EPM2A: variants seen among roughly 807,000 people sequenced by gnomAD.
EPM2A encodes the protein laforin.
A neutral mutation model predicts 26.5 loss-of-function variants in EPM2A; 21 were observed. That is an observed-to-expected ratio of 0.79 (90% CI 0.56 to 1.14). The LOEUF (loss-of-function observed/expected upper bound fraction) is 1.14. Among genes scored for constraint, EPM2A ranks in the 50% most tolerant of loss-of-function variants. EPM2A has a pLI of 0.00. For missense variants in EPM2A, 458 were observed against 440.8 expected (o/e 1.04, Z -0.35); for synonymous variants, 217 against 177.6 (o/e 1.22, Z -1.76).
intron 2 of EPM2A, among the ~76,000 whole-genome samples, chr6:145,661,545 C>T (rs980293822): frequency 6.6e-6 from 1 of 152,218 alleles, no homozygotes; most frequent in Non-Finnish European, 1.5e-5. Flanking sequence ...AAAGCTTTCA[C>T]AGTACTTAAT....
chr6:145,508,197 G>A (rs1351108751), intron 2 of EPM2A, among the ~76,000 whole-genome samples: 1 of 152,214 alleles, frequency 6.6e-6, no homozygotes, highest in East Asian at 1.9e-4. Flanking sequence ...TCTTCCAGGT[G>A]GGGCCTGGGG....
chr6:145,394,794 T>G (rs767575986), intron 4 of EPM2A, among the ~76,000 whole-genome samples: 2 of 152,162 alleles, frequency 1.3e-5, no homozygotes, highest in African/African-American at 2.4e-5. Context: ...TTCTTTGCCT[T>G]CATGTGAAAG....
intron 2 of EPM2A, among the ~76,000 whole-genome samples, chr6:145,644,511 TG>T (rs955079007): frequency 1.6e-4 from 25 of 152,128 alleles, no homozygotes; most frequent in African/African-American, 5.8e-4. Flanking sequence ...TTAAAATTTA[TG>T]GGGCATCAAA....
intron 4 of EPM2A, among the ~76,000 whole-genome samples, chr6:145,398,518 C>T (rs1778437890): frequency 6.6e-6 from 1 of 151,990 alleles, no homozygotes; most frequent in Non-Finnish European, 1.5e-5. Flanking sequence ...GACAATTTAA[C>T]AAATTATTAG....
In EPM2A at chr6:145,625,729, G is replaced by A. The variant is rs368881204; in HGVS notation, c.*1687C>T. The A allele has an allele frequency of 9.0e-6, 8 of 884,420 alleles. No individual in the cohort carries two copies. In the African/African-American group the frequency reaches 1.3e-4, roughly 15 times the overall value. The allele number at this position is 884,420 out of a possible 1,614,324, so 54.8% of individuals were successfully genotyped here. ...AAATGTGTCCTGGCTAGCTGCCTCT[G>A]CCCAAAGCAAATGTCATCTCCCCTA... On this transcript the variant is annotated 3_prime_UTR_variant, in exon 4 of 4. Transcript: ENST00000367519.
intron 2 of EPM2A, among the ~76,000 whole-genome samples, chr6:145,678,512 G>C (rs1070519): frequency 0.63 from 95,860 of 152,034 alleles, 30,695 homozygotes; most frequent in East Asian, 0.74. Flanking sequence ...TGACAAAGGT[G>C]TAATATCCAG....
intron 1 of EPM2A, among the ~76,000 whole-genome samples, chr6:145,688,980 G>A (rs1374108441): frequency 6.6e-6 from 1 of 152,140 alleles, no homozygotes; most frequent in Non-Finnish European, 1.5e-5. Flanking sequence ...AATATCTGTG[G>A]CTCCCATTGG....
intron 4 of EPM2A, among the ~76,000 whole-genome samples, chr6:145,455,518 C>T (rs752385279): frequency 1.3e-5 from 2 of 152,088 alleles, no homozygotes; most frequent in Non-Finnish European, 2.9e-5. Context: ...CCACCACACC[C>T]AGCTAATTTT....
At chr6:145,586,210 G>C (rs574346796) in intron 2 of EPM2A, among the ~76,000 whole-genome samples, 25 of 152,280 alleles carry the variant, frequency 1.6e-4, no homozygotes, top group African/African-American at 5.8e-4. Flanking sequence ...TCCCTTAGGG[G>C]ATTATTGCTT....
intron 4 of EPM2A, among the ~76,000 whole-genome samples, chr6:145,426,745 A>C (rs1334193655): frequency 6.6e-6 from 1 of 152,220 alleles, no homozygotes; most frequent in Non-Finnish European, 1.5e-5. Flanking sequence ...ATTTTTAAAA[A>C]TTATTAAAAT....
intron 4 of EPM2A, among the ~76,000 whole-genome samples, chr6:145,451,264 G>T (rs543675428): frequency 6.6e-6 from 1 of 152,158 alleles, no homozygotes; most frequent in Non-Finnish European, 1.5e-5. Context: ...GGAAGGAAAG[G>T]TCTGTATTAC....
chr6:145,464,865 C>T (rs1779368115), intron 4 of EPM2A, among the ~76,000 whole-genome samples: 1 of 152,086 alleles, frequency 6.6e-6, no homozygotes, highest in Non-Finnish European at 1.5e-5. Context: ...GATGGGCTTC[C>T]CTTTGAGGGT....
intron 2 of EPM2A, among the ~76,000 whole-genome samples, chr6:145,596,343 T>G (rs1261796727): frequency 6.6e-6 from 1 of 152,190 alleles, no homozygotes; most frequent in Non-Finnish European, 1.5e-5. Context: ...CACTATTGTT[T>G]TGGAGAGTTC....
At chr6:145,506,837 A>C (rs778442044) in intron 2 of EPM2A, among the ~76,000 whole-genome samples, 36 of 152,276 alleles carry the variant, frequency 2.4e-4, no homozygotes, top group Non-Finnish European at 8.8e-5. Context: ...CTTGTTTCAG[A>C]CTGGCCCACT....
chr6:145,490,304 C>T, intron 4 of EPM2A: 2 of 1,465,424 alleles, frequency 1.4e-6, no homozygotes, highest in Non-Finnish European at 9.2e-7. Context: ...GAACTGGTCC[C>T]AGCTGTTAAA....
rs1389769284 is a variant in EPM2A at position 145,626,410 on chromosome 6, T to A, written c.*1006A>T. On this transcript the variant is annotated 3_prime_UTR_variant, in exon 4 of 4. Transcript: ENST00000367519. ...TGGTAGTATAGTTCCTCTCATGAAT[T>A]TCCACTCTGGTCTTAAAACAGCCCA... The A allele has an allele frequency of 2.1e-5, 21 of 985,838 alleles. No homozygotes were observed. Among genetic ancestry groups the A allele is most frequent in the Admixed American group, 6.1e-5 (1 of 16,274 alleles). 61.1% of individuals were successfully genotyped at this position (985,838 alleles called of 1,614,324 possible).
chr6:145,564,677 G>C (rs770248078), intron 2 of EPM2A, among the ~76,000 whole-genome samples: 1 of 151,508 alleles, frequency 6.6e-6, no homozygotes, highest in Admixed American at 6.6e-5. Context: ...TCAAAGTATG[G>C]AGATGGCCTC....
At chr6:145,415,808 A>G (rs1778700316) in intron 4 of EPM2A, among the ~76,000 whole-genome samples, 1 of 152,154 alleles carries the variant, frequency 6.6e-6, no homozygotes, top group Non-Finnish European at 1.5e-5. Context: ...CTGACACTCC[A>G]GAGAGAACTG....
At chr6:145,668,469 G>A (rs572199343) in intron 2 of EPM2A, among the ~76,000 whole-genome samples, 3 of 152,246 alleles carry the variant, frequency 2.0e-5, no homozygotes, top group Admixed American at 6.5e-5. Flanking sequence ...GAATATATAA[G>A]CTTTAAAATT....
Sources: gnomAD v4.1 joint callset for allele counts (sites outside exome capture counted in the v4.1 genomes callset) on GRCh38, gnomAD v4.1.1 for gene constraint, MANE v1.5 for transcripts, NCBI Gene and HGNC (gene_info 2026-07-23, HGNC 2026-07-21) for gene names.